The following GIMAP2 variants were observed in gnomAD, a reference collection of about 807,000 sequenced individuals.
The protein encoded by GIMAP2 is GTPase IMAP family member 2.
GIMAP2 carries 22 observed loss-of-function variants against 25.5 expected under a neutral mutation model. That is an observed-to-expected ratio of 0.86 (90% CI 0.62 to 1.23). The LOEUF (loss-of-function observed/expected upper bound fraction) is 1.23, where lower values mean the gene tolerates loss of function less well. Ranked by LOEUF, GIMAP2 falls within the 50% of genes most tolerant of loss-of-function variation. The pLI is 0.00. For synonymous variants in GIMAP2, 167 were observed against 143.0 expected (o/e 1.17, Z -1.20); for missense variants, 422 against 395.7 (o/e 1.07, Z -0.56).
chr7:150,690,791 A>G (rs932574605), intron 2 of GIMAP2, among the ~76,000 whole-genome samples: 2 of 152,220 alleles, frequency 1.3e-5, no homozygotes, highest in African/African-American at 4.8e-5. Context: ...AGAGAAATTA[A>G]TCAGTTGTCC....
rs762502065 is a variant in GIMAP2, at chr7:150,693,119, A to G, written c.833A>G (p.Gln278Arg). 5 of 1,613,552 alleles carry G rather than the reference A, an allele frequency of 3.1e-6. No individual in the cohort carries two copies. ...CAACTGTGTGTTTTATTTTGTATTC[A>G]GTTGTTTCTCAGATTGATAATTCTG... ...KTQLCVLFCI[Q>R]LFLRLIILWL... The change falls in exon 3 of 3, where the codon CAG (glutamine) becomes CGG (arginine). Residue 278 changes from glutamine to arginine, a missense_variant. Physicochemically the swap from Gln to Arg is conservative, Grantham distance 43. Transcript: ENST00000223293.
intron 1 of GIMAP2, among the ~76,000 whole-genome samples, chr7:150,686,456 A>G (rs1404137179): frequency 6.6e-6 from 1 of 152,052 alleles, no homozygotes; most frequent in Non-Finnish European, 1.5e-5. Flanking sequence ...AAACAAAAAC[A>G]GAAGGGAGCC....
chr7:150,693,157 C>A lies in GIMAP2; in HGVS notation c.871C>A (p.Leu291Met), dbSNP rs1458215613. The change falls in exon 3 of 3, where the codon CTG becomes ATG. Residue 291 changes from leucine (L) to methionine (M), a missense_variant. Transcript: ENST00000223293. ...ATTGATAATTCTGTGGCTTTGCATA[C>A]TGCACAGCATGTGCAATTTGTTTTG... Reference protein sequence around the residue: ...LRLIILWLCILHSMCNLFCCL... With the variant: ...LRLIILWLCIMHSMCNLFCCL... 1 of 1,611,200 alleles carries A rather than the reference C, an allele frequency of 6.2e-7. No individual in the cohort carries two copies. Among genetic ancestry groups the A allele is most frequent in the South Asian group, 1.1e-5 (1 of 91,018 alleles).
chr7:150,687,247 G>A (rs1427073299), intron 2 of GIMAP2, 160 bp downstream of exon 2: 18 of 577,406 alleles, frequency 3.1e-5, no homozygotes, highest in Non-Finnish European at 5.4e-5. Context: ...GCTGAAAATT[G>A]TGGGGTTTTG....
rs766930177 is a variant in GIMAP2, at chr7:150,692,297, T to G, written c.29-18T>G. The G allele has an allele frequency of 1.2e-6, 2 of 1,608,732 alleles. No individual in the cohort carries two copies. The highest frequency in any genetic ancestry group is 2.2e-5 in the South Asian group (2 of 90,962). ...CGTGATCAGTGTAGCGATAACACAG[T>G]AAACTTGCTCCTCACAGGACCACAT... On this transcript the variant is annotated intron_variant, in intron 2 of 2. Coordinates refer to ENST00000223293, the MANE Select transcript of GIMAP2 (RefSeq NM_015660.3).
chr7:150,687,374 G>A, intron 2 of GIMAP2: 1 of 303,652 alleles, frequency 3.3e-6, no homozygotes, highest in East Asian at 5.6e-5. Flanking sequence ...CCAGGTTCAA[G>A]TGATTCTCCT....
intron 2 of GIMAP2, among the ~76,000 whole-genome samples, chr7:150,688,592 T>C (rs563666143): frequency 6.6e-6 from 1 of 152,292 alleles, no homozygotes; most frequent in East Asian, 1.9e-4. Flanking sequence ...CTCCTTCCTC[T>C]ACCTCAGCCT....
intron 1 of GIMAP2, 65 bp from the exon 2 acceptor site, chr7:150,686,987 A>G: frequency 4.5e-6 from 5 of 1,120,320 alleles, no homozygotes; most frequent in Non-Finnish European, 6.6e-6. Context: ...AGAAAAGAAA[A>G]GAAATATAAG....
chr7:150,692,957 G>C lies in GIMAP2; in HGVS notation c.671G>C (p.Arg224Thr). Residue 224 changes from arginine (R) to threonine (T), a missense_variant, in exon 3 of 3, where the codon AGG (arginine) becomes ACG (threonine). Arg to Thr is a moderately conservative substitution (Grantham distance 71). Transcript: ENST00000223293. ...YTNGLYSLIQ[R>T]SKCGPVGSDE... ...AATGGGTTGTACAGCCTAATACAGA[G>C]GTCTAAATGTGGACCTGTGGGATCA... 6.2e-7 allele frequency: 1 copy of C among 1,614,100 alleles called. No individual in the cohort carries two copies. The highest frequency in any genetic ancestry group is 1.1e-5 in the South Asian group (1 of 91,084).
chr7:150,689,491 G>T (rs113798336), intron 2 of GIMAP2: 2 of 702,828 alleles, frequency 2.8e-6, no homozygotes, highest in Non-Finnish European at 5.2e-6. Flanking sequence ...TTTCATAGGC[G>T]AGAGGAAGGT....
intron 2 of GIMAP2, among the ~76,000 whole-genome samples, chr7:150,688,227 T>G (rs1796925626): frequency 6.6e-6 from 1 of 152,082 alleles, no homozygotes. Flanking sequence ...GCCTCTCAGG[T>G]TCAAGTGATT....
intron 2 of GIMAP2, among the ~76,000 whole-genome samples, chr7:150,690,542 A>G (rs1005421430): frequency 6.6e-6 from 1 of 152,198 alleles, no homozygotes; most frequent in African/African-American, 2.4e-5. Context: ...AGATCCTGGC[A>G]CATTAAAAGT....
Position 150,693,419 on chromosome 7 carries a change from C to T in GIMAP2, c.*119C>T. ...ATTCTATGAAATGTTTAAATCTGAA[C>T]ATCACTCCAATTATTAATGAACCAA... On this transcript the variant is annotated 3_prime_UTR_variant, in exon 3 of 3. Coordinates refer to ENST00000223293, the MANE Select transcript of GIMAP2 (RefSeq NM_015660.3). The T allele has an allele frequency of 1.1e-5, 7 of 613,502 alleles. No individual in the cohort carries two copies. The South Asian group carries it at 1.6e-4, about 14-fold the overall frequency. 38.0% of individuals were successfully genotyped at this position (613,502 alleles called of 1,614,324 possible). A position where few individuals can be genotyped will look rare whatever the true frequency, so the allele number is the denominator to read the frequency against.
Position 150,687,104 on chromosome 7 carries a change from ACGTGTGTGTGTGTGTG to A in GIMAP2, c.28+18_28+33del. On this transcript the variant is annotated intron_variant, in intron 2 of 2. Coordinates refer to ENST00000223293, the MANE Select transcript of GIMAP2 (RefSeq NM_015660.3). ...GTCACTGGGGTAAGAAGGTGACTTC[ACGTGTGTGTGTGTGTG>A]TGTGTGTGTGTGTGTGTGTGTGTGT... The A allele has an allele frequency of 7.3e-7, 1 of 1,371,310 alleles. No individual in the cohort carries two copies. The allele number at this position is 1,371,310 out of a possible 1,614,324, so 84.9% of individuals were successfully genotyped here.
chr7:150,685,710 C>T lies in GIMAP2; in HGVS notation c.-84C>T, dbSNP rs1796893150. 2.0e-6 allele frequency: 2 copies of T among 984,372 alleles called. No homozygotes were observed. Among genetic ancestry groups the T allele is most frequent in the South Asian group, 4.7e-5 (1 of 21,268 alleles). The allele number at this position is 984,372 out of a possible 1,614,324, so 61.0% of individuals were successfully genotyped here. On this transcript the variant is annotated 5_prime_UTR_variant, in exon 1 of 3. Transcript: ENST00000223293. ...CCGACTGGAGTCTCGGTTTTACTTT[C>T]TTTTTCTCTTGGAGCTGAGCTATAA...
At chr7:150,689,779 G>T in intron 2 of GIMAP2, 1 of 441,022 alleles carries the variant, frequency 2.3e-6, no homozygotes, top group African/African-American at 2.0e-5. Context: ...TAATACTTCA[G>T]GCATAGAAAA....
intron 2 of GIMAP2, 64 bp from the exon 3 acceptor site, chr7:150,692,251 G>GA (rs989077649): frequency 5.8e-4 from 824 of 1,426,188 alleles, no homozygotes; most frequent in Non-Finnish European, 6.7e-4. Context: ...GAAATGAAAG[G>GA]AAAAAAAAAT....
rs561894366 is a variant in GIMAP2 at position 150,693,096 on chromosome 7, A to G, written c.810A>G (p.Gln270=). 6.8e-6 allele frequency: 11 copies of G among 1,611,548 alleles called. No homozygotes were observed. Among genetic ancestry groups the G allele is most frequent in the Non-Finnish European group, 7.6e-6 (9 of 1,177,700 alleles). Residue 270 remains glutamine, a synonymous_variant, in exon 3 of 3, where the codon CAA becomes CAG. Coordinates refer to ENST00000223293, the MANE Select transcript of GIMAP2 (RefSeq NM_015660.3). ...TAAAAGGAGCCTTAATCAAAACACA[A>G]CTGTGTGTTTTATTTTGTATTCAGT... The part of the protein sequence containing the change: ...NCLKGALIKT[Q]LCVLFCIQLF...
chr7:150,689,490 C>T (rs530524007), intron 2 of GIMAP2: 20 of 702,928 alleles, frequency 2.8e-5, no homozygotes, highest in Non-Finnish European at 4.4e-5. Context: ...TTTTCATAGG[C>T]GAGAGGAAGG....
Sources: allele counts gnomAD v4.1 joint callset (sites outside exome capture counted in the v4.1 genomes callset), GRCh38; gene constraint gnomAD v4.1.1; transcripts MANE v1.5; gene names NCBI Gene and HGNC (gene_info 2026-07-23, HGNC 2026-07-21).